UBR3: variants seen among roughly 807,000 people sequenced by gnomAD.
UBR3 encodes E3 ubiquitin-protein ligase UBR3.
A neutral mutation model predicts 243.2 loss-of-function variants in UBR3; 85 were observed. The observed-to-expected ratio is 0.35, with a 90% CI of 0.29 to 0.42. The LOEUF is 0.42. UBR3 is among the 10% of genes least tolerant of loss of function. The probability of loss-of-function intolerance (pLI) is 1.00; values close to 1 mark genes in which losing one functional copy is unlikely to be tolerated. For synonymous variants in UBR3, 748 were observed against 799.8 expected, an observed-to-expected ratio of 0.94 and a Z score of 1.09; for missense variants, 1,686 against 2,300.8, an observed-to-expected ratio of 0.73 and a Z score of 5.47.
intron 8 of UBR3, among the ~76,000 whole-genome samples, chr2:169,900,746 CTT>C (rs79574066): frequency 2.8e-5 from 4 of 142,982 alleles, no homozygotes; most frequent in Non-Finnish European, 3.1e-5. Flanking sequence ...ACCTGCCTCC[CTT>C]TTTTTTTTTT....
intron 4 of UBR3, among the ~76,000 whole-genome samples, chr2:169,878,150 C>T (rs1304106681): frequency 6.6e-6 from 1 of 152,090 alleles, no homozygotes; most frequent in Non-Finnish European, 1.5e-5. Context: ...CACCTGAGGT[C>T]GGGAGTTTTG....
chr2:170,053,582 T>C (rs767629109), intron 32 of UBR3, among the ~76,000 whole-genome samples: 2 of 152,232 alleles, frequency 1.3e-5, no homozygotes, highest in Non-Finnish European at 2.9e-5. Flanking sequence ...TAAGTCCTCC[T>C]AGTGAATCAT....
chr2:169,862,287 C>G (rs778085206), intron 1 of UBR3, among the ~76,000 whole-genome samples: 2 of 151,712 alleles, frequency 1.3e-5, no homozygotes, highest in Non-Finnish European at 2.9e-5. Context: ...AAAGTTTTTT[C>G]TTTTCGTTCT....
At chr2:169,859,528 A>C (rs1376325214) in intron 1 of UBR3, among the ~76,000 whole-genome samples, 1 of 152,038 alleles carries the variant, frequency 6.6e-6, no homozygotes, top group African/African-American at 2.4e-5. Flanking sequence ...AGTATAATGC[A>C]AGACCACCTT....
chr2:169,933,043 AT>A, intron 19 of UBR3, 35 bp downstream of exon 19: 1 of 1,431,196 alleles, frequency 7.0e-7, no homozygotes, highest in East Asian at 2.7e-5. Context: ...TCATAACAGT[AT>A]TTTATATTTA....
At chr2:169,841,591 C>G (rs553028800) in intron 1 of UBR3, among the ~76,000 whole-genome samples, 1 of 152,330 alleles carries the variant, frequency 6.6e-6, no homozygotes, top group East Asian at 1.9e-4. Context: ...GCTGGAGTTC[C>G]GGGTGGGCGT....
intron 11 of UBR3, among the ~76,000 whole-genome samples, chr2:169,917,381 G>A (rs893041099): frequency 6.6e-6 from 1 of 152,136 alleles, no homozygotes; most frequent in African/African-American, 2.4e-5. Context: ...TCTCAATCCA[G>A]TTTTCTTTGG....
chr2:169,831,127 ATTTTTTTTTT>A (rs34139528), intron 1 of UBR3, among the ~76,000 whole-genome samples: 26 of 56,438 alleles, frequency 4.6e-4, no homozygotes, highest in South Asian at 9.5e-4. Flanking sequence ...ATATATATAT[ATTTTTTTTTT>A]TTTTTTTTTT....
chr2:170,035,902 T>G, intron 31 of UBR3, among the ~76,000 whole-genome samples: 1 of 54,144 alleles, frequency 1.8e-5, no homozygotes, highest in East Asian at 9.7e-4. Flanking sequence ...TATACCTAAG[T>G]ATTTTATTGG....
chr2:169,864,357 C>A (rs1049517896), intron 1 of UBR3, among the ~76,000 whole-genome samples: 1 of 152,160 alleles, frequency 6.6e-6, no homozygotes, highest in Non-Finnish European at 1.5e-5. Flanking sequence ...GAGGACAAGG[C>A]CTCCATATTC....
intron 1 of UBR3, among the ~76,000 whole-genome samples, chr2:169,849,039 T>C (rs1030730483): frequency 5.3e-5 from 8 of 152,180 alleles, no homozygotes; most frequent in African/African-American, 1.9e-4. Flanking sequence ...AAGATACATA[T>C]ATATTTATAC....
intron 35 of UBR3, among the ~76,000 whole-genome samples, chr2:170,070,973 ACTT>A (rs751172126): frequency 6.6e-6 from 1 of 152,178 alleles, no homozygotes; most frequent in African/African-American, 2.4e-5. Flanking sequence ...TTGAATAGAT[ACTT>A]CTTAAGAGAA....
At chr2:169,958,383 G>T in intron 23 of UBR3, 55 bp from the exon 24 acceptor site, 2 of 1,495,566 alleles carry the variant, frequency 1.3e-6, no homozygotes, top group Non-Finnish European at 1.8e-6. Flanking sequence ...CTGAAATATA[G>T]TAGCTAGGTC....
chr2:170,030,068 A>T (rs2090629636), intron 31 of UBR3, among the ~76,000 whole-genome samples: 1 of 152,052 alleles, frequency 6.6e-6, no homozygotes, highest in Non-Finnish European at 1.5e-5. Context: ...TCTTTGGTGT[A>T]TTTTATGATC....
chr2:169,829,034 G>A (rs1488141980), intron 1 of UBR3, among the ~76,000 whole-genome samples: 1 of 152,232 alleles, frequency 6.6e-6, no homozygotes, highest in Non-Finnish European at 1.5e-5. Flanking sequence ...TGGATGGGCA[G>A]TAGTTGAAAG....
chr2:169,893,617 C>T lies in UBR3; in HGVS notation c.1106-1564C>T, dbSNP rs115328312. On this transcript the variant is annotated intron_variant, in intron 6 of 38. Coordinates refer to ENST00000272793, the MANE Select transcript of UBR3 (RefSeq NM_172070.4). Reference sequence around the variant, plus strand: ...TTACCCAGGCTGGAATGATCAGTGGCATGGTCTTGGCTCACTGCAACCTCT... The same window carrying T: ...TTACCCAGGCTGGAATGATCAGTGGTATGGTCTTGGCTCACTGCAACCTCT... Among the ~76,000 whole-genome samples, 1,146 of 152,270 alleles carry T rather than the reference C, an allele frequency of 7.5e-3. 15 individuals carry two copies. The highest frequency in any genetic ancestry group is 0.013 in the Non-Finnish European group (863 of 68,008).
chr2:169,906,293 T>G (rs1190879624), intron 10 of UBR3, 129 bp downstream of exon 10: 11 of 1,107,290 alleles, frequency 9.9e-6, no homozygotes, highest in Non-Finnish European at 1.2e-5. Flanking sequence ...TTATGAAAAC[T>G]GACCTGAGAC....
At chr2:170,007,332 A>G in intron 28 of UBR3, 142 bp downstream of exon 28, 4 of 809,516 alleles carry the variant, frequency 4.9e-6, no homozygotes, top group South Asian at 3.8e-5. Flanking sequence ...TCTTCTATTT[A>G]TACTTAAATA....
chr2:169,892,547 C>G lies in UBR3; in HGVS notation c.1105+1316C>G, dbSNP rs532064051. On this transcript the variant is annotated intron_variant, in intron 6 of 38. Coordinates refer to ENST00000272793, the MANE Select transcript of UBR3 (RefSeq NM_172070.4). ...TGTGTGTTTGGATTGAGTGCCTTCT[C>G]TTCCTTGTAATGGTAAGAAATAGTA... Among the ~76,000 whole-genome samples the G allele has an allele frequency of 1.3e-4, 20 of 152,280 alleles. No individual in the cohort carries two copies. The South Asian group carries it at 3.3e-3, about 25-fold the overall frequency.
Sources: gnomAD v4.1 joint callset for allele counts (sites outside exome capture counted in the v4.1 genomes callset) on GRCh38, gnomAD v4.1.1 for gene constraint, MANE v1.5 for transcripts, NCBI Gene and HGNC (gene_info 2026-07-23, HGNC 2026-07-21) for gene names.